DENND6A: variants seen among roughly 807,000 people sequenced by gnomAD.
DENND6A encodes the protein DENN domain containing 6A.
A neutral mutation model predicts 95.5 loss-of-function variants in DENND6A; 43 were observed. That is an observed-to-expected ratio of 0.45 (90% CI 0.35 to 0.58). The LOEUF (loss-of-function observed/expected upper bound fraction) is 0.58, where lower values mean the gene tolerates loss of function less well. Among genes scored for constraint, DENND6A ranks in the 20% least tolerant of loss-of-function variants. DENND6A has a pLI of 0.00. For missense variants in DENND6A, 574 were observed against 736.0 expected (o/e 0.78, Z 2.55); for synonymous variants, 257 against 260.4 (o/e 0.99, Z 0.13).
intron 11 of DENND6A, among the ~76,000 whole-genome samples, chr3:57,642,467 T>C (rs1360492956): frequency 2.0e-5 from 3 of 150,332 alleles, no homozygotes; most frequent in Non-Finnish European, 4.4e-5. Flanking sequence ...GAGGGAAGAG[T>C]GATGCAGAAC....
Position 57,657,667 on chromosome 3 carries a change from T to G in DENND6A, c.818+13A>C, listed in dbSNP as rs1443762082. On this transcript the variant is annotated intron_variant, in intron 9 of 19. Transcript: ENST00000311128. ...CAAAAGGAAGTCAGTTAATAAAATT[T>G]TTTATTCTTTACCTGAAAATATCCA... 2 of 1,530,970 alleles carry G rather than the reference T, an allele frequency of 1.3e-6. No individual in the cohort carries two copies. Among genetic ancestry groups the G allele is most frequent in the South Asian group, 1.2e-5 (1 of 85,268 alleles). The allele number at this position is 1,530,970 out of a possible 1,614,324, so 94.8% of individuals were successfully genotyped here.
intron 4 of DENND6A, 105 bp downstream of exon 4, chr3:57,666,018 G>T: frequency 1.1e-6 from 1 of 893,054 alleles, no homozygotes; most frequent in Non-Finnish European, 1.8e-6. Context: ...TAATATAGTA[G>T]CAAAACAAAA....
At chr3:57,653,114 T>C (rs780133561) in intron 9 of DENND6A, among the ~76,000 whole-genome samples, 1 of 152,120 alleles carries the variant, frequency 6.6e-6, no homozygotes, top group African/African-American at 2.4e-5. Flanking sequence ...TACTACCAAA[T>C]GGTTTGGGAA....
At chr3:57,644,149 C>CAA (rs1177987681) in intron 11 of DENND6A, among the ~76,000 whole-genome samples, 22 of 73,304 alleles carry the variant, frequency 3.0e-4, no homozygotes, top group Admixed American at 3.2e-4. Flanking sequence ...GACTCCATCT[C>CAA]AAAAAAAAAA....
At chr3:57,643,447 G>C (rs973685700) in intron 11 of DENND6A, among the ~76,000 whole-genome samples, 1 of 152,040 alleles carries the variant, frequency 6.6e-6, no homozygotes, top group Non-Finnish European at 1.5e-5. Flanking sequence ...GGTTATATAG[G>C]TCTGGACCTC....
In DENND6A at chr3:57,661,359, TA is replaced by T. The variant is rs551808320; in HGVS notation, c.619+86del. Reference sequence around the variant, plus strand: ...CCTTAAGTTCCTACCTGAATTTTTATAAATTGTTATAAATCAACTTCATTTT... The same window carrying T: ...CCTTAAGTTCCTACCTGAATTTTTATAATTGTTATAAATCAACTTCATTTT... On this transcript the variant is annotated intron_variant, in intron 6 of 19. Coordinates refer to ENST00000311128, the MANE Select transcript of DENND6A (RefSeq NM_152678.3). 52 of 1,048,152 alleles carry T rather than the reference TA, an allele frequency of 5.0e-5. No homozygotes were observed. In the South Asian group the frequency reaches 9.7e-4, roughly 19 times the overall value. The allele number at this position is 1,048,152 out of a possible 1,614,324, so 64.9% of individuals were successfully genotyped here.
At chr3:57,653,512 G>A (rs2071253648) in intron 9 of DENND6A, among the ~76,000 whole-genome samples, 1 of 152,070 alleles carries the variant, frequency 6.6e-6, no homozygotes, top group South Asian at 2.1e-4. Context: ...TTGGGAGGCT[G>A]AGGCGGGCAG....
rs758257206 is a variant in DENND6A, at chr3:57,627,831, T to C, written c.*383A>G. On this transcript the variant is annotated 3_prime_UTR_variant, in exon 20 of 20. Transcript: ENST00000311128. ...AAGAAGATAGCCAGTGTGAATGTTA[T>C]TTTTATATCCCCCTGAGTTTTAACA... 52 of 167,970 alleles carry C rather than the reference T, an allele frequency of 3.1e-4. No individual in the cohort carries two copies. The highest frequency in any genetic ancestry group is 2.9e-3 in the Admixed American group (51 of 17,622). 10.4% of individuals were successfully genotyped at this position (167,970 alleles called of 1,614,324 possible).
intron 1 of DENND6A, among the ~76,000 whole-genome samples, chr3:57,678,880 G>T (rs1052694838): frequency 6.6e-6 from 1 of 152,250 alleles, no homozygotes; most frequent in Non-Finnish European, 1.5e-5. Flanking sequence ...GACCAAGGCA[G>T]GTAGATTACT....
intron 8 of DENND6A, 115 bp downstream of exon 8, chr3:57,659,003 T>A: frequency 2.2e-6 from 2 of 897,054 alleles, no homozygotes; most frequent in South Asian, 3.6e-5. Flanking sequence ...ATGGGACATT[T>A]CAGTAATATT....
rs181714906 is a variant in DENND6A, at chr3:57,659,208, G to A, written c.700-28C>T. ...AAAAGAAAGACAGGAAATTATTTTT[G>A]GTTATAAAAGAATGGAGGATGAGAA... On this transcript the variant is annotated intron_variant, in intron 7 of 19. Coordinates refer to ENST00000311128, the MANE Select transcript of DENND6A (RefSeq NM_152678.3). The A allele has an allele frequency of 5.3e-4, 847 of 1,611,360 alleles. 5 individuals are homozygous for A. In the African/African-American group the frequency reaches 0.01, roughly 20 times the overall value.
intron 12 of DENND6A, among the ~76,000 whole-genome samples, chr3:57,638,537 A>T (rs1407171429): frequency 6.6e-6 from 1 of 152,038 alleles, no homozygotes; most frequent in African/African-American, 2.4e-5. Context: ...GCATGCCTGT[A>T]ATCTCAGCGA....
chr3:57,660,081 T>C (rs1045292219), intron 7 of DENND6A, among the ~76,000 whole-genome samples: 3 of 152,192 alleles, frequency 2.0e-5, no homozygotes, highest in Non-Finnish European at 4.4e-5. Flanking sequence ...GCAAAATGTA[T>C]TGCAATATCT....
chr3:57,639,164 T>A (rs2070870112), intron 12 of DENND6A, among the ~76,000 whole-genome samples: 1 of 151,822 alleles, frequency 6.6e-6, no homozygotes, highest in African/African-American at 2.4e-5. Context: ...TGAAAGGAAG[T>A]AGATGAAAAA....
rs2071473099 is a variant in DENND6A, at chr3:57,663,666, A to C, written c.483T>G (p.Asp161Glu). The C allele has an allele frequency of 6.3e-7, 1 of 1,588,150 alleles. No individual in the cohort carries two copies. Among genetic ancestry groups the C allele is most frequent in the Non-Finnish European group, 8.6e-7 (1 of 1,166,140 alleles). ...YGYVYFRQVR[D>E]KTLKRGYFQK... ...GAAAGTAGCCTCTTTTTAGAGTTTT[A>C]TCTCGAACTTGTCGGAAATACACAT... Residue 161 changes from aspartate to glutamate, a missense_variant, in exon 5 of 20, where the codon GAT (aspartate) becomes GAG (glutamate). By Grantham distance (45) the Asp-to-Glu change is conservative (BLOSUM62 2). Coordinates refer to ENST00000311128, the MANE Select transcript of DENND6A (RefSeq NM_152678.3).
intron 1 of DENND6A, among the ~76,000 whole-genome samples, chr3:57,674,811 GT>G (rs1265403579): frequency 6.6e-6 from 1 of 152,222 alleles, no homozygotes; most frequent in Non-Finnish European, 1.5e-5. Context: ...ATGGGATCAT[GT>G]CTTTTATGGG....
chr3:57,655,968 G>C (rs2071316551), intron 9 of DENND6A, among the ~76,000 whole-genome samples: 1 of 152,152 alleles, frequency 6.6e-6, no homozygotes, highest in South Asian at 2.1e-4. Flanking sequence ...AACGAGAAAT[G>C]TACACATTCT....
intron 9 of DENND6A, among the ~76,000 whole-genome samples, chr3:57,649,922 TACACACAC>T (rs5849223): frequency 6.7e-6 from 1 of 148,414 alleles, no homozygotes; most frequent in African/African-American, 2.5e-5. Flanking sequence ...TGTATATATA[TACACACAC>T]ACACACACAC....
intron 19 of DENND6A, 39 bp from the exon 20 acceptor site, chr3:57,628,384 A>C (rs1295716428): frequency 4.4e-6 from 7 of 1,603,650 alleles, no homozygotes; most frequent in Non-Finnish European, 6.0e-6. Context: ...AATTATCCTC[A>C]GAATCTGTAT....
Sources: gnomAD v4.1 joint callset for allele counts (sites outside exome capture counted in the v4.1 genomes callset) on GRCh38, gnomAD v4.1.1 for gene constraint, MANE v1.5 for transcripts, NCBI Gene and HGNC (gene_info 2026-07-23, HGNC 2026-07-21) for gene names.